Variants in NDST3 observed in about 807,000 individuals in gnomAD.
NDST3 encodes the protein N-deacetylase and N-sulfotransferase 3, also known as bifunctional heparan sulfate N-deacetylase/N-sulfotransferase 3.
Under a neutral mutation model 96.1 loss-of-function variants are expected in NDST3, and 58 were observed. The observed-to-expected ratio is 0.60, with a 90% confidence interval of 0.49 to 0.75. The LOEUF (loss-of-function observed/expected upper bound fraction) is 0.75. Among genes scored for constraint, NDST3 ranks in the 30% least tolerant of loss-of-function variants. The probability of loss-of-function intolerance (pLI) is 0.00; values close to 1 mark genes in which losing one functional copy is unlikely to be tolerated. For synonymous variants in NDST3, 333 were observed against 359.7 expected (o/e 0.93, Z 0.84); for missense variants, 788 against 1,034.2 (o/e 0.76, Z 3.27).
At chr4:118,127,266 C>T (rs1270346816) in intron 4 of NDST3, among the ~76,000 whole-genome samples, 1 of 151,934 alleles carries the variant, frequency 6.6e-6, no homozygotes, top group Non-Finnish European at 1.5e-5. Flanking sequence ...GACATTTTTG[C>T]CAAGACCAAT....
chr4:118,128,647 C>CT (rs1732331498), intron 4 of NDST3, among the ~76,000 whole-genome samples: 1 of 151,870 alleles, frequency 6.6e-6, no homozygotes, highest in Admixed American at 6.6e-5. Flanking sequence ...CTGTAGTTTT[C>CT]TTTTTTTGAT....
At chr4:118,184,139 A>C (rs1391817596) in intron 6 of NDST3, among the ~76,000 whole-genome samples, 1 of 152,218 alleles carries the variant, frequency 6.6e-6, no homozygotes, top group East Asian at 1.9e-4. Flanking sequence ...AAACAGTTTA[A>C]AGAATCATTT....
At chr4:118,243,712 T>C (rs1029610611) in intron 12 of NDST3, among the ~76,000 whole-genome samples, 3 of 152,208 alleles carry the variant, frequency 2.0e-5, no homozygotes, top group Non-Finnish European at 4.4e-5. Flanking sequence ...TTATAGAGTA[T>C]GTAGCAAAGC....
chr4:118,237,067 C>G lies in NDST3; in HGVS notation c.1965C>G (p.Val655=). Residue 655 remains valine, a synonymous_variant, in exon 10 of 14, where the codon GTC becomes GTG. Coordinates refer to ENST00000296499, the MANE Select transcript of NDST3 (RefSeq NM_004784.3). ...GIDWYMDFFP[V]PSNVTTDFLF... Reference sequence around the variant, plus strand: ...CTAGGTATATGGATTTCTTCCCAGTCCCATCTAATGTCACTACCGACTTTT... The same window carrying G: ...CTAGGTATATGGATTTCTTCCCAGTGCCATCTAATGTCACTACCGACTTTT... 6.2e-7 allele frequency: 1 copy of G among 1,607,218 alleles called. No homozygotes were observed. Among genetic ancestry groups the G allele is most frequent in the Non-Finnish European group, 8.5e-7 (1 of 1,176,422 alleles).
chr4:118,168,345 T>A (rs13138982), intron 6 of NDST3, among the ~76,000 whole-genome samples: 9,302 of 152,028 alleles, frequency 0.061, 384 homozygotes, highest in Non-Finnish European at 0.093. Flanking sequence ...CTGATGAATA[T>A]AGATGTTTAA....
chr4:118,250,701 CT>C (rs1420619641), intron 12 of NDST3, among the ~76,000 whole-genome samples: 1 of 152,152 alleles, frequency 6.6e-6, no homozygotes, highest in East Asian at 1.9e-4. Flanking sequence ...TCAGGCTGGT[CT>C]TGAACTCCCG....
chr4:118,043,316 T>G (rs1007670197), intron 1 of NDST3, among the ~76,000 whole-genome samples: 2 of 152,204 alleles, frequency 1.3e-5, no homozygotes, highest in African/African-American at 4.8e-5. Context: ...AAGATGCCAT[T>G]GTATTCCATT....
intron 2 of NDST3, among the ~76,000 whole-genome samples, chr4:118,091,334 T>C (rs1451216373): frequency 6.6e-6 from 1 of 151,808 alleles, no homozygotes; most frequent in Admixed American, 6.6e-5. Flanking sequence ...AGCAGATCAT[T>C]GCAAAATCTG....
intron 6 of NDST3, among the ~76,000 whole-genome samples, chr4:118,174,407 A>T (rs925134524): frequency 3.3e-5 from 5 of 152,340 alleles, no homozygotes; most frequent in African/African-American, 1.2e-4. Flanking sequence ...ACTTATATTT[A>T]CAAGAGAAAT....
intron 8 of NDST3, 91 bp from the exon 9 acceptor site, chr4:118,232,921 C>A: frequency 2.4e-6 from 3 of 1,231,504 alleles, no homozygotes; most frequent in Non-Finnish European, 3.4e-6. Context: ...CTGTTTGGAT[C>A]ATTCTAATAT....
Position 118,054,626 on chromosome 4 carries a change from A to G in NDST3, c.716A>G (p.Lys239Arg), listed in dbSNP as rs754796955. ...CAACCAGTAATATTTGCCAAAGTAA[A>G]GACCCCAGAAAACCTTTCTCCTTCC... Reference protein sequence around the residue: ...AYQPVIFAKVKTPENLSPSIS... With the variant: ...AYQPVIFAKVRTPENLSPSIS... The change falls in exon 2 of 14, where the codon AAG becomes AGG. Residue 239 changes from lysine to arginine, a missense_variant. Transcript: ENST00000296499. 1.2e-5 allele frequency: 19 copies of G among 1,613,154 alleles called. No homozygotes were observed. Among genetic ancestry groups the G allele is most frequent in the Non-Finnish European group, 1.5e-5 (18 of 1,179,486 alleles).
intron 6 of NDST3, among the ~76,000 whole-genome samples, chr4:118,167,646 C>A (rs1735646029): frequency 6.6e-6 from 1 of 151,930 alleles, no homozygotes; most frequent in African/African-American, 2.4e-5. Flanking sequence ...CATCCTACTT[C>A]CTGATTTGAA....
chr4:118,112,829 C>T (rs1730749963), intron 3 of NDST3, among the ~76,000 whole-genome samples: 1 of 152,080 alleles, frequency 6.6e-6, no homozygotes, highest in Non-Finnish European at 1.5e-5. Context: ...ATGAAGCTTC[C>T]CTGAGCCATA....
Position 118,098,139 on chromosome 4 carries a change from A to G in NDST3, c.982-6879A>G, listed in dbSNP as rs1056697355. ...TACCTCTGCAACTAAAAGGAAATCT[A>G]TTTGTTCTGCAATAACAGTAAGTGG... On this transcript the variant is annotated intron_variant, in intron 2 of 13. Coordinates refer to ENST00000296499, the MANE Select transcript of NDST3 (RefSeq NM_004784.3). 5.9e-5 allele frequency among the ~76,000 whole-genome samples: 9 copies of G among 152,034 alleles called. 1 individual carries two copies. The South Asian group carries it at 6.2e-4, about 11-fold the overall frequency.
chr4:118,147,112 T>C (rs981109243), intron 6 of NDST3, among the ~76,000 whole-genome samples: 1 of 152,240 alleles, frequency 6.6e-6, no homozygotes, highest in East Asian at 1.9e-4. Context: ...AGTATTTCAG[T>C]TCCTCTCTAA....
chr4:118,091,118 T>C (rs34893788), intron 2 of NDST3, among the ~76,000 whole-genome samples: 31,219 of 151,068 alleles, frequency 0.21, 3,367 homozygotes, highest in South Asian at 0.27. Context: ...GCAGTAGATA[T>C]AGATACCAGA....
At chr4:118,188,834 G>A (rs936532676) in intron 6 of NDST3, among the ~76,000 whole-genome samples, 6 of 152,160 alleles carry the variant, frequency 3.9e-5, no homozygotes, top group South Asian at 4.1e-4. Flanking sequence ...CTATGTGCTT[G>A]TGAAGTTTTC....
At chr4:118,118,058 A>G (rs1176913490) in intron 4 of NDST3, among the ~76,000 whole-genome samples, 1 of 152,170 alleles carries the variant, frequency 6.6e-6, no homozygotes. Context: ...TTGACCAAAT[A>G]TCACTTCTCA....
intron 6 of NDST3, among the ~76,000 whole-genome samples, chr4:118,212,519 G>A (rs1738869263): frequency 6.6e-6 from 1 of 152,088 alleles, no homozygotes; most frequent in African/African-American, 2.4e-5. Context: ...CAGCCTGGGT[G>A]GCAAAGCAAG....
Sources: allele counts gnomAD v4.1 joint callset (sites outside exome capture counted in the v4.1 genomes callset), GRCh38; gene constraint gnomAD v4.1.1; transcripts MANE v1.5; gene names NCBI Gene and HGNC (gene_info 2026-07-23, HGNC 2026-07-21).